The following CRAMP1 variants were observed in gnomAD, a reference collection of about 807,000 sequenced individuals.
The protein encoded by CRAMP1 is cramped chromatin regulator 1, also known as protein cramped-like.
CRAMP1 carries 50 observed loss-of-function variants against 115.4 expected under a neutral mutation model. That is an observed-to-expected ratio of 0.43 (90% CI 0.35 to 0.55). CRAMP1 has a LOEUF of 0.55. Among genes scored for constraint, CRAMP1 ranks in the 20% least tolerant of loss-of-function variants. The pLI is 0.01. For missense variants in CRAMP1, 1,679 were observed against 1,721.7 expected (o/e 0.98, Z 0.44); for synonymous variants, 866 against 745.4 (o/e 1.16, Z -2.64).
chr16:1,663,090 C>G (rs1348127202), intron 13 of CRAMP1, among the ~76,000 whole-genome samples: 1 of 152,206 alleles, frequency 6.6e-6, no homozygotes, highest in Non-Finnish European at 1.5e-5. Context: ...CAAAGAATGT[C>G]CCAGATTGGG....
chr16:1,660,135 C>T (rs891041804), intron 11 of CRAMP1, 72 bp downstream of exon 11: 63 of 1,323,808 alleles, frequency 4.8e-5, no homozygotes, highest in African/African-American at 2.1e-4. Flanking sequence ...GGGGCCGTGC[C>T]GAAGCTGAGA....
chr16:1,646,190 T>C (rs752421529), intron 6 of CRAMP1, among the ~76,000 whole-genome samples: 1 of 152,224 alleles, frequency 6.6e-6, no homozygotes, highest in Non-Finnish European at 1.5e-5. Context: ...GACCCAGGGC[T>C]ATTTGCAGTG....
intron 2 of CRAMP1, among the ~76,000 whole-genome samples, chr16:1,617,073 C>T (rs1223761778): frequency 3.3e-5 from 5 of 152,152 alleles, no homozygotes; most frequent in African/African-American, 1.2e-4. Context: ...ATCCTCCCGC[C>T]TCAGCCCCCC....
At chr16:1,637,723 G>A in intron 4 of CRAMP1, 101 bp from the exon 5 acceptor site, 1 of 499,412 alleles carries the variant, frequency 2.0e-6, no homozygotes, top group Non-Finnish European at 3.6e-6. Flanking sequence ...GTACAGGGAG[G>A]AGATCCAAGA....
Position 1,632,280 on chromosome 16 carries a change from A to C in CRAMP1, c.609A>C (p.Ala203=). ...ALKYKKKGKP[A]SMVKNKEQVR... ...AGTACAAGAAGAAAGGCAAGCCAGC[A>C]AGCATGGTGAAGAACAAGGAGCAGG... The change falls in exon 4 of 21, where the codon GCA becomes GCC. Residue 203 remains alanine, a synonymous_variant. Coordinates refer to ENST00000397412, the MANE Select transcript of CRAMP1 (RefSeq NM_020825.4). The C allele has an allele frequency of 6.3e-7, 1 of 1,596,722 alleles. No homozygotes were observed. The highest frequency in any genetic ancestry group is 8.5e-7 in the Non-Finnish European group (1 of 1,172,396).
chr16:1,656,696 G>A lies in CRAMP1; in HGVS notation c.1939G>A (p.Ala647Thr), dbSNP rs758179352. The A allele has an allele frequency of 2.8e-5, 44 of 1,560,806 alleles. No homozygotes were observed. The highest frequency in any genetic ancestry group is 2.7e-4 in the Admixed American group (14 of 52,212). The change falls in exon 10 of 21, where the codon GCG becomes ACG. Residue 647 changes from alanine to threonine, a missense_variant. This residue lies in a region of CRAMP1 where 405 missense variants were observed against 302.6 expected (regional missense o/e 1.34). Transcript: ENST00000397412. The surrounding 1 kb of genome is among the most constrained non-coding windows in gnomAD (Gnocchi z 5.6). ...AEELQEKGSP[A>T]GPPPSQGQPA... is the part of the protein sequence containing the mutation. ...GGAGCTCCAGGAGAAGGGGAGCCCC[G>A]CGGGGCCTCCGCCGTCTCAGGGACA...
chr16:1,633,775 T>C (rs1304728013), intron 4 of CRAMP1, among the ~76,000 whole-genome samples: 1 of 152,182 alleles, frequency 6.6e-6, no homozygotes, highest in Admixed American at 6.5e-5. Flanking sequence ...TAGTGCCTTT[T>C]TGAAAGACAG....
intron 2 of CRAMP1, among the ~76,000 whole-genome samples, chr16:1,625,245 C>T (rs538047271): frequency 2.6e-5 from 4 of 152,188 alleles, no homozygotes; most frequent in South Asian, 4.2e-4. Flanking sequence ...TCTCTGCCTC[C>T]GGTCTCGGAG....
intron 6 of CRAMP1, among the ~76,000 whole-genome samples, chr16:1,647,748 T>TAAAAAA (rs35279793): frequency 1.1e-5 from 1 of 87,746 alleles, no homozygotes; most frequent in Non-Finnish European, 2.2e-5. Flanking sequence ...GACTCTGCCT[T>TAAAAAA]AAAAAAAAAA....
intron 6 of CRAMP1, chr16:1,647,124 T>C (rs924151769): frequency 2.9e-6 from 2 of 699,432 alleles, no homozygotes; most frequent in South Asian, 1.5e-5. Flanking sequence ...CAAAAGCGAT[T>C]GGGGTATTTG....
At chr16:1,634,566 C>T (rs1488439278) in intron 4 of CRAMP1, among the ~76,000 whole-genome samples, 1 of 152,158 alleles carries the variant, frequency 6.6e-6, no homozygotes, top group Non-Finnish European at 1.5e-5. Context: ...CTCTTCCTGA[C>T]CTGGCACAGC....
At chr16:1,647,479 G>T (rs763643293) in intron 6 of CRAMP1, among the ~76,000 whole-genome samples, 5 of 152,124 alleles carry the variant, frequency 3.3e-5, no homozygotes, top group African/African-American at 4.8e-5. Flanking sequence ...GGTGGCTCAC[G>T]TTTGTAATCC....
intron 2 of CRAMP1, 151 bp from the exon 3 acceptor site, chr16:1,625,822 G>A (rs753487252): frequency 4.8e-5 from 32 of 660,554 alleles, no homozygotes; most frequent in Non-Finnish European, 4.5e-5. Flanking sequence ...CGCTGGTGCC[G>A]TGGGTCCTGG....
intron 4 of CRAMP1, among the ~76,000 whole-genome samples, chr16:1,633,541 C>G (rs2050398877): frequency 6.6e-6 from 1 of 152,274 alleles, no homozygotes; most frequent in Non-Finnish European, 1.5e-5. Flanking sequence ...CTATTTATAG[C>G]ACATCAGTTC....
chr16:1,649,057 T>TAA (rs371246325), intron 6 of CRAMP1, among the ~76,000 whole-genome samples: 31 of 141,338 alleles, frequency 2.2e-4, no homozygotes, highest in African/African-American at 5.9e-4. Flanking sequence ...AGACTCCATC[T>TAA]AAAAAAAAAA....
rs1596481172 is a variant in CRAMP1 at position 1,619,473 on chromosome 16, G to A, written c.346+4488G>A. On this transcript the variant is annotated intron_variant, in intron 2 of 20. Transcript: ENST00000397412. ...TAGGATTTCAGGCGTGAGCCACTGC[G>A]CCCGGCACAACAGCGTTTTTAACAC... 4.6e-5 allele frequency among the ~76,000 whole-genome samples: 7 copies of A among 152,268 alleles called. No individual in the cohort carries two copies. In the South Asian group the frequency reaches 1.5e-3, roughly 32 times the overall value.
Position 1,614,939 on chromosome 16 carries a change from C to A in CRAMP1, c.300C>A (p.Ser100Arg). The A allele has an allele frequency of 7.9e-7, 1 of 1,273,616 alleles. No individual in the cohort carries two copies. 78.9% of individuals were successfully genotyped at this position (1,273,616 alleles called of 1,614,324 possible). The change falls in exon 2 of 21, where the codon AGC (serine) becomes AGA (arginine). Residue 100 changes from serine to arginine, a missense_variant. This residue lies in a region of CRAMP1 where 264 missense variants were observed against 229.7 expected (regional missense o/e 1.15). Transcript: ENST00000397412. The surrounding 1 kb of genome is among the most constrained non-coding windows in gnomAD (Gnocchi z 4.4). The part of the protein sequence containing the change: ...QSKRPRKDPP[S>R]AVGSGNAGGS... ...AGAGGCCCAGGAAGGATCCTCCGAG[C>A]GCTGTGGGGAGCGGCAACGCCGGTG...
At chr16:1,634,721 G>C (rs1249190303) in intron 4 of CRAMP1, among the ~76,000 whole-genome samples, 1 of 152,216 alleles carries the variant, frequency 6.6e-6, no homozygotes, top group Non-Finnish European at 1.5e-5. Context: ...AGGGCTGTCT[G>C]CCTCCGTGCC....
Position 1,632,136 on chromosome 16 carries a change from T to A in CRAMP1, c.541-76T>A, listed in dbSNP as rs1342075835. On this transcript the variant is annotated intron_variant, in intron 3 of 20. Transcript: ENST00000397412. Reference sequence around the variant, plus strand: ...GTCTCCTTTCTCCTTTCTCGGAACCTTGGAAAGGGTCCAGTTAACACAGAA... The same window carrying A: ...GTCTCCTTTCTCCTTTCTCGGAACCATGGAAAGGGTCCAGTTAACACAGAA... The A allele has an allele frequency of 6.2e-6, 9 of 1,454,470 alleles. No individual in the cohort carries two copies. In the East Asian group the frequency reaches 2.0e-4, roughly 32 times the overall value. 90.1% of individuals were successfully genotyped at this position (1,454,470 alleles called of 1,614,324 possible). A position where few individuals can be genotyped will look rare whatever the true frequency, so the allele number is the denominator to read the frequency against.
Sources: gnomAD v4.1 joint callset for allele counts (sites outside exome capture counted in the v4.1 genomes callset) on GRCh38, gnomAD v4.1.1 for gene constraint, gnomAD v4.1.1 regional missense constraint, Gnocchi (gnomAD v3.1) non-coding constraint, MANE v1.5 for transcripts, NCBI Gene and HGNC (gene_info 2026-07-23, HGNC 2026-07-21) for gene names.